The following C12orf75 variants were observed in gnomAD, a reference collection of about 807,000 sequenced individuals.
C12orf75 encodes overexpressed in colon carcinoma 1 protein.
C12orf75 carries 4 observed loss-of-function variants against 11.4 expected under a neutral mutation model. The ratio of observed to expected loss-of-function variants is 0.35; its 90% CI spans 0.17 to 0.80. The LOEUF is 0.80. Among genes scored for constraint, C12orf75 ranks in the 30% least tolerant of loss-of-function variants. C12orf75 has a pLI of 0.52. For synonymous variants in C12orf75, 30 were observed against 30.0 expected (o/e 1.00, Z 0.00); for missense variants, 89 against 80.4 (o/e 1.11, Z -0.41).
intron 2 of C12orf75, among the ~76,000 whole-genome samples, chr12:105,349,022 A>T (rs1892677817): frequency 6.6e-6 from 1 of 152,212 alleles, no homozygotes; most frequent in Non-Finnish European, 1.5e-5. Context: ...GCAGTTACCA[A>T]GTGTACATTG....
At position 105,361,067 on chromosome 12, in the gene C12orf75, C is replaced by T. The variant is rs1450506801; in HGVS notation, c.72-4740C>T. 3.0e-4 allele frequency among the ~76,000 whole-genome samples: 46 copies of T among 152,098 alleles called. 1 individual carries two copies. Among genetic ancestry groups the T allele is most frequent in the Admixed American group, 2.8e-3 (43 of 15,272 alleles). ...TTGGGATTAAAGGTGTGAGCCACCG[C>T]GCCTGCCCTGTAGATCATTTTAAGG... On this transcript the variant is annotated intron_variant, in intron 2 of 5. Transcript: ENST00000443585.
chr12:105,335,655 C>T (rs1892491697), intron 1 of C12orf75, among the ~76,000 whole-genome samples: 1 of 148,392 alleles, frequency 6.7e-6, no homozygotes, highest in African/African-American at 2.5e-5. Context: ...AGACTAGTTT[C>T]CACATTTTTA....
At chr12:105,355,336 A>C (rs1038865681) in intron 2 of C12orf75, among the ~76,000 whole-genome samples, 6 of 151,718 alleles carry the variant, frequency 4.0e-5, no homozygotes, top group Non-Finnish European at 1.5e-5. Flanking sequence ...CGCCCAGCTG[A>C]TTTTTGTGTT....
At position 105,348,594 on chromosome 12, in the gene C12orf75, T is replaced by C; in HGVS notation, c.47-8T>C. ...ACCAATACAAACCTATCTTCTTTTT[T>C]TCTCTAGGCCCTGCAGGAGCAGCCA... On this transcript the variant is annotated splice_region_variant and splice_polypyrimidine_tract_variant and intron_variant, in intron 1 of 5. Transcript: ENST00000443585. The C allele has an allele frequency of 6.5e-7, 1 of 1,532,778 alleles. No homozygotes were observed. Among genetic ancestry groups the C allele is most frequent in the Non-Finnish European group, 8.8e-7 (1 of 1,135,434 alleles). 94.9% of individuals were successfully genotyped at this position (1,532,778 alleles called of 1,614,324 possible). A position where few individuals can be genotyped will look rare whatever the true frequency, so the allele number is the denominator to read the frequency against.
intron 2 of C12orf75, among the ~76,000 whole-genome samples, chr12:105,354,633 A>G (rs1259167139): frequency 6.6e-6 from 1 of 152,222 alleles, no homozygotes; most frequent in Non-Finnish European, 1.5e-5. Context: ...GGCCTCTGAC[A>G]TGAATACTTG....
chr12:105,354,927 T>C (rs917391506), intron 2 of C12orf75, among the ~76,000 whole-genome samples: 1 of 152,078 alleles, frequency 6.6e-6, no homozygotes, highest in Non-Finnish European at 1.5e-5. Flanking sequence ...CTGGAGCTGA[T>C]GTTGCAATAA....
intron 2 of C12orf75, among the ~76,000 whole-genome samples, chr12:105,358,160 T>A (rs1238442380): frequency 6.6e-6 from 1 of 152,198 alleles, no homozygotes; most frequent in Non-Finnish European, 1.5e-5. Flanking sequence ...GTGTATTTTT[T>A]AAACCTGGTC....
At chr12:105,344,537 G>A (rs375688694) in intron 1 of C12orf75, among the ~76,000 whole-genome samples, 3 of 152,286 alleles carry the variant, frequency 2.0e-5, no homozygotes, top group East Asian at 3.9e-4. Flanking sequence ...GAGGTCAGGA[G>A]TTCAAGACCA....
intron 1 of C12orf75, among the ~76,000 whole-genome samples, chr12:105,334,147 G>A (rs1348193304): frequency 4.6e-5 from 7 of 152,152 alleles, no homozygotes; most frequent in African/African-American, 1.7e-4. Context: ...GATAATTCTG[G>A]GTAGACTTGC....
intron 1 of C12orf75, among the ~76,000 whole-genome samples, chr12:105,332,257 C>T (rs893426529): frequency 6.6e-6 from 1 of 152,054 alleles, no homozygotes; most frequent in African/African-American, 2.4e-5. Context: ...CAATCCACTG[C>T]ATGTGTAGCC....
At chr12:105,364,581 T>C (rs1163733161) in intron 2 of C12orf75, among the ~76,000 whole-genome samples, 1 of 152,232 alleles carries the variant, frequency 6.6e-6, no homozygotes, top group Non-Finnish European at 1.5e-5. Context: ...ATTCACAGCT[T>C]TTAAGTGGGT....
At chr12:105,353,485 C>T (rs1290384308) in intron 2 of C12orf75, 1 of 152,124 alleles carries the variant, frequency 6.6e-6, no homozygotes, top group Admixed American at 6.5e-5. Flanking sequence ...TGGAGCCAAT[C>T]AGTATCATCA....
intron 2 of C12orf75, among the ~76,000 whole-genome samples, chr12:105,358,666 A>G (rs1415937511): frequency 1.3e-5 from 2 of 152,230 alleles, no homozygotes; most frequent in African/African-American, 4.8e-5. Context: ...GGTATAGATG[A>G]GGAGAAACAA....
intron 1 of C12orf75, among the ~76,000 whole-genome samples, chr12:105,342,692 A>G (rs1892589697): frequency 6.6e-6 from 1 of 152,176 alleles, no homozygotes; most frequent in South Asian, 2.1e-4. Flanking sequence ...CCCCATCCTG[A>G]AGCCATATAG....
At chr12:105,335,919 G>A (rs985817408) in intron 1 of C12orf75, among the ~76,000 whole-genome samples, 6 of 152,240 alleles carry the variant, frequency 3.9e-5, no homozygotes, top group Non-Finnish European at 8.8e-5. Flanking sequence ...GAAGTCCTAA[G>A]TTGGTGTGGG....
intron 1 of C12orf75, 79 bp downstream of exon 1, chr12:105,331,016 G>A: frequency 1.1e-6 from 1 of 910,048 alleles, no homozygotes; most frequent in Non-Finnish European, 1.4e-6. Flanking sequence ...GATCTTGGGT[G>A]GGGGGCGCGC....
At chr12:105,342,053 A>T (rs1312525791) in intron 1 of C12orf75, among the ~76,000 whole-genome samples, 1 of 152,236 alleles carries the variant, frequency 6.6e-6, no homozygotes, top group African/African-American at 2.4e-5. Flanking sequence ...TAAATTACCC[A>T]GTCTAGGGTA....
At position 105,330,822 on chromosome 12, in the gene C12orf75, C is replaced by T; in HGVS notation, c.-70C>T. 8.2e-7 allele frequency: 1 copy of T among 1,226,304 alleles called. No individual in the cohort carries two copies. Among genetic ancestry groups the T allele is most frequent in the African/African-American group, 1.6e-5 (1 of 63,710 alleles). 76.0% of individuals were successfully genotyped at this position (1,226,304 alleles called of 1,614,324 possible). On this transcript the variant is annotated 5_prime_UTR_variant, in exon 1 of 6. Transcript: ENST00000443585. Reference sequence around the variant, plus strand: ...CTCCCGCTCGGGGTGCGCCGCCCTTCGTCTGGGTCTCCGCCCCCAGGACCC... The same window carrying T: ...CTCCCGCTCGGGGTGCGCCGCCCTTTGTCTGGGTCTCCGCCCCCAGGACCC...
chr12:105,335,157 G>C (rs117673372), intron 1 of C12orf75, among the ~76,000 whole-genome samples: 3 of 152,288 alleles, frequency 2.0e-5, no homozygotes, highest in African/African-American at 7.2e-5. Flanking sequence ...ACAATAGTCC[G>C]AGGGGGAGGA....
Sources: allele counts gnomAD v4.1 joint callset (sites outside exome capture counted in the v4.1 genomes callset), GRCh38; gene constraint gnomAD v4.1.1; transcripts MANE v1.5; gene names NCBI Gene and HGNC (gene_info 2026-07-23, HGNC 2026-07-21).